LEMD3: variants seen among roughly 807,000 people sequenced by gnomAD.
The protein encoded by LEMD3 is LEM domain containing 3.
A neutral mutation model predicts 95.2 loss-of-function variants in LEMD3; 33 were observed. The observed-to-expected ratio is 0.35, with a 90% confidence interval of 0.26 to 0.46. The LOEUF (loss-of-function observed/expected upper bound fraction) is 0.46. LEMD3 is among the 20% of genes least tolerant of loss of function. LEMD3 has a pLI of 1.00. For synonymous variants in LEMD3, 525 were observed against 474.6 expected (o/e 1.11, Z -1.38); for missense variants, 1,210 against 1,192.8 (o/e 1.01, Z -0.21).
Position 65,243,477 on chromosome 12 carries a change from T to C in LEMD3, c.2387+8T>C. On this transcript the variant is annotated splice_region_variant and intron_variant, in intron 10 of 12. Transcript: ENST00000308330. ...TATGTTTGATCCCGTTATGTAAGTA[T>C]TATGATCAGGGGTACATGTAACTCT... The C allele has an allele frequency of 2.0e-6, 3 of 1,488,518 alleles. No individual in the cohort carries two copies. The highest frequency in any genetic ancestry group is 2.3e-5 in the East Asian group (1 of 44,218). The allele number at this position is 1,488,518 out of a possible 1,614,324, so 92.2% of individuals were successfully genotyped here. A position where few individuals can be genotyped will look rare whatever the true frequency, so the allele number is the denominator to read the frequency against.
At position 65,170,924 on chromosome 12, in the gene LEMD3, A is replaced by G; in HGVS notation, c.1328A>G (p.Lys443Arg). 1 of 1,614,160 alleles carries G rather than the reference A, an allele frequency of 6.2e-7. No homozygotes were observed. Among genetic ancestry groups the G allele is most frequent in the Non-Finnish European group, 8.5e-7 (1 of 1,180,030 alleles). Residue 443 changes from lysine to arginine, a missense_variant, in exon 1 of 13, where the codon AAA (lysine) becomes AGA (arginine). Coordinates refer to ENST00000308330, the MANE Select transcript of LEMD3 (RefSeq NM_014319.5). ...ACCTACCTGAAAAACACATACAACA[A>G]ACCGAAGCTTTCCGAACCCGAAGAG... ...NHTYLKNTYN[K>R]PKLSEPEEEL...
chr12:65,201,050 AAAACTATCTTTG>A (rs1869585498), intron 1 of LEMD3, among the ~76,000 whole-genome samples: 1 of 152,160 alleles, frequency 6.6e-6, no homozygotes, highest in Non-Finnish European at 1.5e-5. Context: ...ATTTGTTGAA[AAAACTATCTTTG>A]CTCCATTATA....
intron 12 of LEMD3, 45 bp downstream of exon 12, chr12:65,245,984 G>A (rs761591133): frequency 2.7e-6 from 4 of 1,470,434 alleles, no homozygotes; most frequent in Non-Finnish European, 3.8e-6. Flanking sequence ...GATAGTTATA[G>A]TTTAATTTTA....
At chr12:65,193,775 T>TGTGTGTGTGTGTG (rs61507306) in intron 1 of LEMD3, among the ~76,000 whole-genome samples, 59 of 145,098 alleles carry the variant, frequency 4.1e-4, no homozygotes, top group African/African-American at 7.6e-4. Context: ...TGTGTGTGTG[T>TGTGTGTGTGTGTG]TGGGGGAGGG....
chr12:65,226,821 T>C (rs749889435), intron 4 of LEMD3, among the ~76,000 whole-genome samples: 7 of 152,214 alleles, frequency 4.6e-5, no homozygotes, highest in Non-Finnish European at 7.3e-5. Context: ...AATGCCTAGC[T>C]CAGTGCCTGA....
chr12:65,169,664 G>A lies in LEMD3; in HGVS notation c.68G>A (p.Arg23His), dbSNP rs1868443074. The A allele has an allele frequency of 2.5e-6, 4 of 1,585,734 alleles. No homozygotes were observed. Among genetic ancestry groups the A allele is most frequent in the Non-Finnish European group, 3.4e-6 (4 of 1,167,186 alleles). The change falls in exon 1 of 13, where the codon CGT becomes CAT. Residue 23 changes from arginine (R) to histidine (H), a missense_variant. Physicochemically the swap from Arg to His is conservative, Grantham distance 29 (BLOSUM62 0). Around this residue, in one of 2 missense-constraint regions of LEMD3, gnomAD observed 749 missense variants for 622.9 expected, o/e 1.20. Transcript: ENST00000308330. Reference protein sequence around the residue: ...SDEELFSQLRRYGLSPGPVTE... With the variant: ...SDEELFSQLRHYGLSPGPVTE... ...GAGGAGCTTTTCTCTCAGCTCCGCC[G>A]TTACGGCCTGTCTCCCGGACCAGTG... is the stretch of plus-strand genomic sequence containing the variant.
intron 1 of LEMD3, among the ~76,000 whole-genome samples, chr12:65,198,468 T>C (rs1391743): frequency 0.97 from 147,000 of 152,048 alleles, 71,172 homozygotes; most frequent in East Asian, 1. Flanking sequence ...TGTTGAAACT[T>C]CTAAGAGTTA....
At chr12:65,209,744 G>A (rs1869880751) in intron 1 of LEMD3, among the ~76,000 whole-genome samples, 1 of 151,990 alleles carries the variant, frequency 6.6e-6, no homozygotes, top group African/African-American at 2.4e-5. Context: ...GATGATAACA[G>A]GATACATTTT....
At chr12:65,201,713 G>T (rs993137530) in intron 1 of LEMD3, among the ~76,000 whole-genome samples, 1 of 151,930 alleles carries the variant, frequency 6.6e-6, no homozygotes. Flanking sequence ...TACATATATT[G>T]TCATATTATC....
At chr12:65,224,472 A>G (rs1009680212) in intron 4 of LEMD3, among the ~76,000 whole-genome samples, 2 of 152,140 alleles carry the variant, frequency 1.3e-5, no homozygotes, top group Non-Finnish European at 2.9e-5. Flanking sequence ...AAAATTGTAT[A>G]CCATTTTTAA....
chr12:65,183,212 A>G (rs1373929477), intron 1 of LEMD3, among the ~76,000 whole-genome samples: 2 of 152,310 alleles, frequency 1.3e-5, no homozygotes, highest in East Asian at 3.9e-4. Context: ...TACCTAGAAT[A>G]TTATTTTGAC....
At chr12:65,236,595 C>G (rs1870779926) in intron 4 of LEMD3, among the ~76,000 whole-genome samples, 1 of 151,852 alleles carries the variant, frequency 6.6e-6, no homozygotes, top group Non-Finnish European at 1.5e-5. Flanking sequence ...GACATAAAGA[C>G]ATACTAATAA....
chr12:65,198,835 GT>G (rs570548914), intron 1 of LEMD3, among the ~76,000 whole-genome samples: 1 of 152,052 alleles, frequency 6.6e-6, no homozygotes, highest in South Asian at 2.1e-4. Context: ...CATTTGTTTT[GT>G]TTTTTTCCTC....
At chr12:65,201,232 C>T (rs923307317) in intron 1 of LEMD3, among the ~76,000 whole-genome samples, 1 of 152,126 alleles carries the variant, frequency 6.6e-6, no homozygotes, top group Admixed American at 6.5e-5. Flanking sequence ...CAGACACTGT[C>T]AGTCTCCCAC....
intron 1 of LEMD3, among the ~76,000 whole-genome samples, chr12:65,193,969 G>T (rs558876613): frequency 6.6e-6 from 1 of 152,166 alleles, no homozygotes; most frequent in African/African-American, 2.4e-5. Context: ...AAAATGTTAT[G>T]CTCGTATTAT....
chr12:65,242,385 ACT>A (rs755264984), intron 9 of LEMD3, among the ~76,000 whole-genome samples: 8 of 151,880 alleles, frequency 5.3e-5, no homozygotes, highest in Admixed American at 2.6e-4. Context: ...TATTGGGATA[ACT>A]CCCAAATTTT....
intron 1 of LEMD3, among the ~76,000 whole-genome samples, chr12:65,206,245 CA>C (rs1393216157): frequency 6.6e-6 from 1 of 152,062 alleles, no homozygotes; most frequent in Admixed American, 6.6e-5. Flanking sequence ...AGATGTAATA[CA>C]GAGAAATAAC....
At chr12:65,200,890 A>C (rs991542280) in intron 1 of LEMD3, among the ~76,000 whole-genome samples, 1 of 152,100 alleles carries the variant, frequency 6.6e-6, no homozygotes, top group Non-Finnish European at 1.5e-5. Flanking sequence ...ACCCTGGGTC[A>C]TCTAGATTCT....
rs765389652 is a variant in LEMD3 at position 65,170,598 on chromosome 12, C to G, written c.1002C>G (p.Leu334=). Residue 334 remains leucine, a synonymous_variant, in exon 1 of 13, where the codon CTC becomes CTG. Coordinates refer to ENST00000308330, the MANE Select transcript of LEMD3 (RefSeq NM_014319.5). The part of the protein sequence containing the change: ...AAGSLDRSRN[L]EEAAAAEQGG... ...GGAGTCTAGACAGGAGCCGAAACCTCGAAGAGGCGGCGGCCGCGGAGCAGG... is the reference window on the plus strand; with the variant it reads ...GGAGTCTAGACAGGAGCCGAAACCTGGAAGAGGCGGCGGCCGCGGAGCAGG... The G allele has an allele frequency of 4.9e-5, 79 of 1,613,838 alleles. No homozygotes were observed. Among genetic ancestry groups the G allele is most frequent in the Non-Finnish European group, 6.6e-5 (78 of 1,179,966 alleles).
Sources: allele counts gnomAD v4.1 joint callset (sites outside exome capture counted in the v4.1 genomes callset), GRCh38; gene constraint gnomAD v4.1.1; regional missense constraint gnomAD v4.1.1; transcripts MANE v1.5; gene names NCBI Gene and HGNC (gene_info 2026-07-23, HGNC 2026-07-21).